Variants in SDK1 observed in about 807,000 individuals in gnomAD.
SDK1 encodes the protein sidekick cell adhesion molecule 1, also known as protein sidekick-1.
Under a neutral mutation model 245.5 loss-of-function variants are expected in SDK1, and 157 were observed. That is an observed-to-expected ratio of 0.64 (90% CI 0.56 to 0.73). SDK1 has a LOEUF of 0.73. Among genes scored for constraint, SDK1 ranks in the 30% least tolerant of loss-of-function variants. The pLI is 0.00. For missense variants in SDK1, 3,583 were observed against 3,002.3 expected (o/e 1.19, Z -4.52); for synonymous variants, 1,647 against 1,278.5 (o/e 1.29, Z -6.15).
chr7:4,131,803 G>A (rs1189066339), intron 27 of SDK1, among the ~76,000 whole-genome samples: 1 of 150,874 alleles, frequency 6.6e-6, no homozygotes, highest in African/African-American at 2.4e-5. Context: ...GATGATGCAG[G>A]AGAGAGGTGG....
intron 17 of SDK1, among the ~76,000 whole-genome samples, chr7:4,044,912 T>C (rs953832340): frequency 2.0e-5 from 3 of 152,200 alleles, no homozygotes; most frequent in Non-Finnish European, 4.4e-5. Context: ...CAAAAGTCTT[T>C]GTGCTTTTAT....
At chr7:3,653,801 C>T (rs1007150031) in intron 4 of SDK1, among the ~76,000 whole-genome samples, 1 of 152,168 alleles carries the variant, frequency 6.6e-6, no homozygotes, top group Non-Finnish European at 1.5e-5. Flanking sequence ...GGGTATTTGG[C>T]TGCAGGACCT....
chr7:3,969,299 T>G lies in SDK1; in HGVS notation c.1589T>G (p.Phe530Cys). ...LASGSVRIPR[F>C]MLLESGGLQI... Reference sequence around the variant, plus strand: ...AGTGGCTCTGTCCGGATTCCTAGGTTCATGCTTCTTGAATCGGGGGGTCTA... The same window carrying G: ...AGTGGCTCTGTCCGGATTCCTAGGTGCATGCTTCTTGAATCGGGGGGTCTA... The change falls in exon 11 of 45, where the codon TTC (phenylalanine) becomes TGC (cysteine). Residue 530 changes from phenylalanine (F) to cysteine (C), a missense_variant. Phe to Cys is a radical substitution (Grantham distance 205). Transcript: ENST00000404826. 1 of 1,611,108 alleles carries G rather than the reference T, an allele frequency of 6.2e-7. No homozygotes were observed. Among genetic ancestry groups the G allele is most frequent in the African/African-American group, 1.3e-5 (1 of 74,972 alleles).
Position 4,017,365 on chromosome 7 carries a change from C to G in SDK1, c.2602+13C>G, listed in dbSNP as rs901215187. 11 of 1,594,138 alleles carry G rather than the reference C, an allele frequency of 6.9e-6. No individual in the cohort carries two copies. Among genetic ancestry groups the G allele is most frequent in the Non-Finnish European group, 9.4e-6 (11 of 1,167,308 alleles). Reference sequence around the variant, plus strand: ...ACCTTGCAGGGAGGTAAGCTTGTCTCCAAAACCACGAGGTGGCGGGATCTT... The same window carrying G: ...ACCTTGCAGGGAGGTAAGCTTGTCTGCAAAACCACGAGGTGGCGGGATCTT... On this transcript the variant is annotated intron_variant, in intron 17 of 44. Coordinates refer to ENST00000404826, the MANE Select transcript of SDK1 (RefSeq NM_152744.4).
At chr7:3,712,909 C>T (rs867687985) in intron 4 of SDK1, among the ~76,000 whole-genome samples, 1 of 152,212 alleles carries the variant, frequency 6.6e-6, no homozygotes, top group Non-Finnish European at 1.5e-5. Flanking sequence ...CCATTGGATT[C>T]TCTCCTTTGG....
intron 1 of SDK1, among the ~76,000 whole-genome samples, chr7:3,564,480 C>G (rs1779845518): frequency 6.6e-6 from 1 of 151,342 alleles, no homozygotes; most frequent in Non-Finnish European, 1.5e-5. Context: ...CAGAGGGAGA[C>G]TCTCAAAAAA....
At chr7:3,709,599 T>A (rs903646498) in intron 4 of SDK1, among the ~76,000 whole-genome samples, 1 of 152,268 alleles carries the variant, frequency 6.6e-6, no homozygotes, top group African/African-American at 2.4e-5. Flanking sequence ...AATTCCTTCA[T>A]TGTTTCTTGG....
At chr7:3,846,645 C>T (rs1030746283) in intron 5 of SDK1, among the ~76,000 whole-genome samples, 1 of 152,224 alleles carries the variant, frequency 6.6e-6, no homozygotes, top group Non-Finnish European at 1.5e-5. Context: ...AAGAGTATTA[C>T]TGCTTCCGTT....
chr7:3,484,772 TG>T (rs1375684342), intron 1 of SDK1, among the ~76,000 whole-genome samples: 7 of 152,208 alleles, frequency 4.6e-5, no homozygotes, highest in Non-Finnish European at 7.3e-5. Context: ...TTTGTCTTTC[TG>T]GGCCTGACTT....
intron 28 of SDK1, among the ~76,000 whole-genome samples, chr7:4,137,143 C>A (rs1320616739): frequency 6.6e-6 from 1 of 152,214 alleles, no homozygotes; most frequent in African/African-American, 2.4e-5. Flanking sequence ...TAAAGGTTTG[C>A]AACTAGCTGG....
chr7:4,137,211 C>CAT (rs1779151581), intron 28 of SDK1, among the ~76,000 whole-genome samples: 1 of 152,230 alleles, frequency 6.6e-6, no homozygotes, highest in Non-Finnish European at 1.5e-5. Context: ...ATGAGAATGG[C>CAT]TTGAACCCGG....
chr7:4,209,657 TCC>T (rs1225307729), intron 37 of SDK1, among the ~76,000 whole-genome samples: 1 of 151,412 alleles, frequency 6.6e-6, no homozygotes, highest in Admixed American at 6.6e-5. Flanking sequence ...GCTCCGTCTC[TCC>T]GGCAAAGAGC....
chr7:4,182,254 C>T (rs1782643895), intron 35 of SDK1, among the ~76,000 whole-genome samples: 1 of 152,174 alleles, frequency 6.6e-6, no homozygotes. Context: ...CCCCCTCCCT[C>T]TAGGCGGGGC....
chr7:4,187,288 C>T (rs1584400343), intron 35 of SDK1, among the ~76,000 whole-genome samples: 1 of 152,172 alleles, frequency 6.6e-6, no homozygotes, highest in East Asian at 1.9e-4. Flanking sequence ...TACATTTGCA[C>T]AAGACTATGG....
chr7:4,117,124 C>T (rs796622414), intron 25 of SDK1, among the ~76,000 whole-genome samples: 4 of 152,326 alleles, frequency 2.6e-5, no homozygotes, highest in African/African-American at 7.2e-5. Context: ...AGAATTAAAA[C>T]TTCTGCCATA....
intron 1 of SDK1, among the ~76,000 whole-genome samples, chr7:3,403,857 A>AATATATATATAT (rs1562466174): frequency 8.9e-5 from 10 of 112,224 alleles, no homozygotes; most frequent in African/African-American, 3.5e-4. Context: ...ATATATATAT[A>AATATATATATAT]TATATATATA....
intron 17 of SDK1, among the ~76,000 whole-genome samples, chr7:4,036,546 G>C (rs963196299): frequency 1.3e-5 from 2 of 152,092 alleles, no homozygotes; most frequent in Non-Finnish European, 2.9e-5. Context: ...ATTTTGCTTT[G>C]AATCCATACA....
chr7:4,094,606 C>A (rs1459133384), intron 22 of SDK1, among the ~76,000 whole-genome samples: 2 of 152,216 alleles, frequency 1.3e-5, no homozygotes, highest in Non-Finnish European at 1.5e-5. Context: ...GGTGGCCATG[C>A]CTCAGAGGGA....
intron 4 of SDK1, among the ~76,000 whole-genome samples, chr7:3,765,081 T>C (rs1463996766): frequency 6.6e-5 from 10 of 152,166 alleles, no homozygotes; most frequent in Non-Finnish European, 1.5e-5. Flanking sequence ...TTAATAATTA[T>C]AGTTTTTAAA....
Sources: allele counts gnomAD v4.1 joint callset (sites outside exome capture counted in the v4.1 genomes callset), GRCh38; gene constraint gnomAD v4.1.1; transcripts MANE v1.5; gene names NCBI Gene and HGNC (gene_info 2026-07-23, HGNC 2026-07-21).